The following EXPH5 variants were observed in gnomAD, a reference collection of about 807,000 sequenced individuals.
EXPH5 encodes exophilin 5.
Under a neutral mutation model 41.1 loss-of-function variants are expected in EXPH5, and 42 were observed. The observed-to-expected ratio is 1.02, with a 90% CI of 0.80 to 1.32. EXPH5 has a LOEUF of 1.32. EXPH5 is among the 40% of genes most tolerant of loss of function. EXPH5 has a pLI of 0.00. For missense variants in EXPH5, 2,298 were observed against 2,314.5 expected, an observed-to-expected ratio of 0.99 and a Z score of 0.15; for synonymous variants, 798 against 833.5, an observed-to-expected ratio of 0.96 and a Z score of 0.73.
In EXPH5 at chr11:108,511,814, C is replaced by T. The variant is rs1233031722; in HGVS notation, c.3693G>A (p.Thr1231=). 3.1e-6 allele frequency: 5 copies of T among 1,602,834 alleles called. No homozygotes were observed. Among genetic ancestry groups the T allele is most frequent in the Middle Eastern group, 1.7e-4 (1 of 5,970 alleles). ...CACCAGAAACAGAAAACGTACTAGT[C>T]GTCTTAACTTTATGTAATGTTTTCC... The part of the protein sequence containing the change: ...ERGKTLHKVK[T]TSTFSVSGDE... The change falls in exon 6 of 6, where the codon ACG becomes ACA. Residue 1231 remains threonine, a synonymous_variant. Coordinates refer to ENST00000265843, the MANE Select transcript of EXPH5 (RefSeq NM_015065.3).
intron 1 of EXPH5, among the ~76,000 whole-genome samples, chr11:108,543,646 A>G (rs73548783): frequency 0.044 from 6,692 of 152,218 alleles, 502 homozygotes; most frequent in African/African-American, 0.15. Flanking sequence ...GTGAAGTGGC[A>G]GATTTGGAGT....
At chr11:108,601,787 C>T in the EXPH5 span, among the ~76,000 whole-genome samples, 4 of 151,638 alleles carry the variant, frequency 2.6e-5, no homozygotes, top group African/African-American at 9.7e-5. Context: ...CTGACTCTGT[C>T]ATACAGGCTG....
intron 1 of EXPH5, among the ~76,000 whole-genome samples, chr11:108,571,503 AGTGAAGAGCTTTTTTTACTCTGAGGC>A: frequency 6.6e-6 from 1 of 152,102 alleles, no homozygotes; most frequent in South Asian, 2.1e-4. Flanking sequence ...TACTCTGAGG[AGTGAAGAGCTTTTTTTACTCTGAGGC>A]GTGAAGCCCT....
chr11:108,511,511 G>GAAGGCAGTCATATT lies in EXPH5; in HGVS notation c.3982_3995dup (p.Phe1332LeufsTer3), dbSNP rs1565771709. ...CTAGGGGCCCCCTATTTGATAATCG[G>GAAGGCAGTCATATT]AAGGCAGTCATATTTTCAGTGGTGA... is the stretch of plus-strand genomic sequence containing the variant. On this transcript the variant is annotated stop_gained and frameshift_variant, in exon 6 of 6. Transcript: ENST00000265843. LOFTEE classifies it low-confidence loss of function (END_TRUNC). The GAAGGCAGTCATATT allele has an allele frequency of 6.3e-7, 1 of 1,597,096 alleles. No individual in the cohort carries two copies. The highest frequency in any genetic ancestry group is 8.5e-7 in the Non-Finnish European group (1 of 1,174,608).
chr11:108,590,167 C>A (rs2640736), intron 1 of EXPH5, among the ~76,000 whole-genome samples: 1 of 152,216 alleles, frequency 6.6e-6, no homozygotes, highest in African/African-American at 2.4e-5. Context: ...CAACTTACAA[C>A]GTCACTAACA....
At chr11:108,518,498 A>G (rs1472972788) in intron 4 of EXPH5, 125 bp from the exon 5 acceptor site, 1 of 811,904 alleles carries the variant, frequency 1.2e-6, no homozygotes, top group Non-Finnish European at 1.9e-6. Context: ...CCATTTTTCT[A>G]ATATTTATTT....
the EXPH5 span, among the ~76,000 whole-genome samples, chr11:108,604,886 G>C: frequency 2.0e-5 from 3 of 152,174 alleles, no homozygotes; most frequent in Non-Finnish European, 4.4e-5. Flanking sequence ...TAAGTGTACA[G>C]GAAATTTTAG....
chr11:108,510,238 G>C lies in EXPH5; in HGVS notation c.5269C>G (p.Pro1757Ala). The change falls in exon 6 of 6, where the codon CCA becomes GCA. Residue 1757 changes from proline to alanine, a missense_variant. Coordinates refer to ENST00000265843, the MANE Select transcript of EXPH5 (RefSeq NM_015065.3). Reference protein sequence around the residue: ...DNQRRLSPPFPLEPAQKSRVS... With the variant: ...DNQRRLSPPFALEPAQKSRVS... ...CTAGATTTCTGTGCAGGCTCCAGTG[G>C]AAAAGGAGGGCTCAGCCTCCTCTGA... 1 of 1,613,646 alleles carries C rather than the reference G, an allele frequency of 6.2e-7. No individual in the cohort carries two copies. Among genetic ancestry groups the C allele is most frequent in the African/African-American group, 1.3e-5 (1 of 74,950 alleles).
rs554129291 is a variant in EXPH5, at chr11:108,543,795, C to T, written c.120-1983G>A. Among the ~76,000 whole-genome samples the T allele has an allele frequency of 3.0e-4, 45 of 152,332 alleles. 1 individual carries two copies. In the South Asian group the frequency reaches 8.9e-3, roughly 30 times the overall value. On this transcript the variant is annotated intron_variant, in intron 1 of 5. Coordinates refer to ENST00000265843, the MANE Select transcript of EXPH5 (RefSeq NM_015065.3). The stretch of plus-strand genomic sequence containing the variant: ...ATTTTGCAAAGCACTAGACAGCAAT[C>T]AACATGTTCAACTTACAGAATTTGC...
chr11:108,576,281 G>A (rs1040903068), intron 1 of EXPH5, among the ~76,000 whole-genome samples: 14 of 152,216 alleles, frequency 9.2e-5, no homozygotes, highest in Non-Finnish European at 1.3e-4. Flanking sequence ...GTTATAAGGT[G>A]GATGAACCTC....
At chr11:108,544,026 G>T (rs1250706401) in intron 1 of EXPH5, among the ~76,000 whole-genome samples, 2 of 152,072 alleles carry the variant, frequency 1.3e-5, no homozygotes, top group African/African-American at 4.8e-5. Context: ...CTCGCTAATT[G>T]TCAGTTCCCC....
intron 3 of EXPH5, among the ~76,000 whole-genome samples, chr11:108,535,480 T>G (rs2136011967): frequency 6.6e-6 from 1 of 152,252 alleles, no homozygotes; most frequent in East Asian, 1.9e-4. Context: ...GTGTCTTAGA[T>G]TCCCATGTCT....
rs115323076 is a variant in EXPH5 at position 108,532,046 on chromosome 11, C to T, written c.444-3862G>A. Among the ~76,000 whole-genome samples the T allele has an allele frequency of 7.9e-4, 120 of 152,110 alleles. 1 individual carries two copies. Among genetic ancestry groups the T allele is most frequent in the African/African-American group, 2.6e-3 (106 of 41,472 alleles). On this transcript the variant is annotated intron_variant, in intron 3 of 5. Coordinates refer to ENST00000265843, the MANE Select transcript of EXPH5 (RefSeq NM_015065.3). ...AGAGTGATCAATATAAACTGAATCA[C>T]GCCACTTCCCTGCAGTCTTCCATTT... is the stretch of plus-strand genomic sequence containing the variant.
chr11:108,514,012 A>G lies in EXPH5; in HGVS notation c.1495T>C (p.Ser499Pro). ...AAGTCTCTGTCAGAAGAACTGAATG[A>G]TTTCCTGCTTCGATGAAAGTCAGAC... ...FWSDFHRSRK[S>P]FSSSDRDFEM... The change falls in exon 6 of 6, where the codon TCA (serine) becomes CCA (proline). Residue 499 changes from serine (S) to proline (P), a missense_variant. Coordinates refer to ENST00000265843, the MANE Select transcript of EXPH5 (RefSeq NM_015065.3). 2 of 1,613,826 alleles carry G rather than the reference A, an allele frequency of 1.2e-6. No individual in the cohort carries two copies. Among genetic ancestry groups the G allele is most frequent in the South Asian group, 2.2e-5 (2 of 90,998 alleles).
intron 5 of EXPH5, among the ~76,000 whole-genome samples, chr11:108,517,007 C>T (rs2093730904): frequency 6.6e-6 from 1 of 152,150 alleles, no homozygotes; most frequent in Admixed American, 6.5e-5. Context: ...TTATGTTTTT[C>T]TTTCCCCTTA....
intron 1 of EXPH5, among the ~76,000 whole-genome samples, chr11:108,551,806 C>T (rs973642981): frequency 6.6e-6 from 1 of 152,136 alleles, no homozygotes; most frequent in Non-Finnish European, 1.5e-5. Context: ...CAGATCAAAG[C>T]AGTATTAAAG....
At chr11:108,548,819 T>A (rs1271788412) in intron 1 of EXPH5, among the ~76,000 whole-genome samples, 3 of 152,198 alleles carry the variant, frequency 2.0e-5, no homozygotes, top group African/African-American at 7.2e-5. Flanking sequence ...TGGTCTAGAT[T>A]CATTCATTTA....
intron 1 of EXPH5, among the ~76,000 whole-genome samples, chr11:108,593,106 C>G (rs984318649): frequency 1.3e-5 from 2 of 152,238 alleles, no homozygotes; most frequent in Non-Finnish European, 2.9e-5. Context: ...CGCGATGGCC[C>G]AGCAGACACC....
At chr11:108,537,787 A>G (rs760962923) in intron 3 of EXPH5, among the ~76,000 whole-genome samples, 2 of 152,254 alleles carry the variant, frequency 1.3e-5, no homozygotes, top group Non-Finnish European at 2.9e-5. Context: ...TCTGCCTTAA[A>G]GAAAATCACC....
Sources: allele counts gnomAD v4.1 joint callset (sites outside exome capture counted in the v4.1 genomes callset), GRCh38; gene constraint gnomAD v4.1.1; transcripts MANE v1.5; gene names NCBI Gene and HGNC (gene_info 2026-07-23, HGNC 2026-07-21).